The following RBFOX1 variants were observed in gnomAD, a reference collection of about 807,000 sequenced individuals.
RBFOX1 encodes the protein RNA binding fox-1 homolog 1, also known as RNA binding protein fox-1 homolog 1.
RBFOX1 carries 8 observed loss-of-function variants against 57.7 expected under a neutral mutation model. The ratio of observed to expected loss-of-function variants is 0.14; its 90% confidence interval spans 0.08 to 0.25. The LOEUF (loss-of-function observed/expected upper bound fraction) is 0.25. RBFOX1 is among the 10% of genes least tolerant of loss of function. The probability of loss-of-function intolerance (pLI) is 1.00; values close to 1 mark genes in which losing one functional copy is unlikely to be tolerated. For missense variants in RBFOX1, 611 were observed against 548.5 expected (o/e 1.11, Z -1.14); for synonymous variants, 326 against 222.4 (o/e 1.47, Z -4.15).
intron 3 of RBFOX1, among the ~76,000 whole-genome samples, chr16:6,703,238 ATTATTAT>A (rs539233703): frequency 6.6e-6 from 1 of 151,702 alleles, no homozygotes; most frequent in Non-Finnish European, 1.5e-5. Flanking sequence ...TTAATTACTT[ATTATTAT>A]TTATTATTAT....
chr16:6,352,233 T>G (rs1197000941), intron 2 of RBFOX1, among the ~76,000 whole-genome samples: 1 of 152,192 alleles, frequency 6.6e-6, no homozygotes, highest in African/African-American at 2.4e-5. Context: ...GAATGTTGTG[T>G]ATTAACTTGT....
intron 5 of RBFOX1, among the ~76,000 whole-genome samples, chr16:7,569,713 A>C (rs1197601364): frequency 6.6e-6 from 1 of 152,176 alleles, no homozygotes; most frequent in Non-Finnish European, 1.5e-5. Context: ...CCTGAAATAC[A>C]GCTAGTGAGG....
At chr16:5,272,168 A>G (rs758279175) in intron 1 of RBFOX1, among the ~76,000 whole-genome samples, 19 of 152,186 alleles carry the variant, frequency 1.2e-4, no homozygotes, top group Admixed American at 6.5e-5. Context: ...CAGCAGCGTG[A>G]CTATAGTCAA....
chr16:7,139,844 A>T (rs568362429), intron 4 of RBFOX1, among the ~76,000 whole-genome samples: 1 of 152,178 alleles, frequency 6.6e-6, no homozygotes, highest in South Asian at 2.1e-4. Context: ...GTCTTAAGGA[A>T]TGAGGAATTG....
At chr16:7,591,620 C>G (rs1002730844) in intron 7 of RBFOX1, among the ~76,000 whole-genome samples, 1 of 152,120 alleles carries the variant, frequency 6.6e-6, no homozygotes, top group Non-Finnish European at 1.5e-5. Flanking sequence ...CACAGGCCAC[C>G]AATCTCTTTT....
chr16:5,884,066 T>C (rs1176222357), intron 4 of RBFOX1, among the ~76,000 whole-genome samples: 1 of 152,212 alleles, frequency 6.6e-6, no homozygotes, highest in Non-Finnish European at 1.5e-5. Flanking sequence ...ATCTGAAAGA[T>C]GGGGATAATC....
At chr16:6,298,036 G>A (rs2152736609) in intron 1 of RBFOX1, among the ~76,000 whole-genome samples, 1 of 152,316 alleles carries the variant, frequency 6.6e-6, no homozygotes, top group South Asian at 2.1e-4. Context: ...CTGGTCCTCT[G>A]CATTTGCAAA....
At chr16:5,626,113 C>T (rs1051655030) in intron 3 of RBFOX1, among the ~76,000 whole-genome samples, 6 of 152,186 alleles carry the variant, frequency 3.9e-5, no homozygotes, top group African/African-American at 1.2e-4. Context: ...CTCCTGACCT[C>T]GGGTGATCTG....
At chr16:6,594,284 C>G (rs1484865605) in intron 2 of RBFOX1, among the ~76,000 whole-genome samples, 4 of 152,184 alleles carry the variant, frequency 2.6e-5, no homozygotes, top group Non-Finnish European at 5.9e-5. Flanking sequence ...ACAGAACCAT[C>G]TAGACAGCCA....
chr16:6,255,650 A>C (rs2152602050), intron 1 of RBFOX1, among the ~76,000 whole-genome samples: 1 of 152,206 alleles, frequency 6.6e-6, no homozygotes, highest in East Asian at 1.9e-4. Flanking sequence ...GTCAACCTGG[A>C]AGTATGACGG....
At position 6,685,487 on chromosome 16, in the gene RBFOX1, C is replaced by T. The variant is rs77578631; in HGVS notation, c.-16+30837C>T. Among the ~76,000 whole-genome samples the T allele has an allele frequency of 1.3e-3, 184 of 136,748 alleles. 3 individuals are homozygous for T. The East Asian group carries it at 0.022, about 16-fold the overall frequency. 89.7% of individuals were successfully genotyped at this position (136,748 alleles called of 152,430 possible). A position where few individuals can be genotyped will look rare whatever the true frequency, so the allele number is the denominator to read the frequency against. ...ATTTTTAGTAGAGACAGGATTTTGC[C>T]GTGTTCGCCAGGCTGCTGTCGAACT... On this transcript the variant is annotated intron_variant, in intron 3 of 15. Coordinates refer to ENST00000550418, the MANE Select transcript of RBFOX1 (RefSeq NM_018723.4).
chr16:6,992,895 G>C (rs1189173950), intron 3 of RBFOX1, among the ~76,000 whole-genome samples: 1 of 149,300 alleles, frequency 6.7e-6, no homozygotes, highest in African/African-American at 2.5e-5. Context: ...CACCGCCCAA[G>C]CACGGTGTCA....
intron 13 of RBFOX1, among the ~76,000 whole-genome samples, chr16:7,675,253 C>T (rs960304332): frequency 6.6e-6 from 1 of 152,148 alleles, no homozygotes; most frequent in Non-Finnish European, 1.5e-5. Flanking sequence ...CTGTTGAACT[C>T]AGTGCTGTTA....
intron 2 of RBFOX1, among the ~76,000 whole-genome samples, chr16:5,540,095 G>A (rs1392712237): frequency 6.6e-6 from 1 of 152,150 alleles, no homozygotes; most frequent in African/African-American, 2.4e-5. Context: ...TAAGAATGAA[G>A]ATATTAAATA....
At chr16:5,438,976 T>C (rs2068000198) in intron 1 of RBFOX1, among the ~76,000 whole-genome samples, 1 of 145,874 alleles carries the variant, frequency 6.9e-6, no homozygotes, top group African/African-American at 2.5e-5. Context: ...TTAGTAATCA[T>C]GTGACCACTT....
At chr16:6,629,062 C>G (rs1420728028) in intron 2 of RBFOX1, among the ~76,000 whole-genome samples, 1 of 152,092 alleles carries the variant, frequency 6.6e-6, no homozygotes, top group Non-Finnish European at 1.5e-5. Context: ...ACATACTAAA[C>G]CTATGATTCC....
At chr16:7,658,085 T>C (rs1158537165) in intron 12 of RBFOX1, among the ~76,000 whole-genome samples, 2 of 152,156 alleles carry the variant, frequency 1.3e-5, no homozygotes, top group African/African-American at 4.8e-5. Context: ...GGGAAATCCA[T>C]GTAAGGTGAC....
intron 2 of RBFOX1, among the ~76,000 whole-genome samples, chr16:6,376,526 C>T (rs575584026): frequency 6.6e-5 from 10 of 152,228 alleles, no homozygotes; most frequent in South Asian, 4.2e-4. Flanking sequence ...CTTGCAGCTG[C>T]GTTTTTGAAA....
chr16:5,718,100 C>T (rs889987873), intron 3 of RBFOX1, among the ~76,000 whole-genome samples: 2 of 152,216 alleles, frequency 1.3e-5, no homozygotes, highest in African/African-American at 2.4e-5. Context: ...ACGATGCACA[C>T]ATAGGGCAAG....
Sources: gnomAD v4.1 joint callset for allele counts (sites outside exome capture counted in the v4.1 genomes callset) on GRCh38, gnomAD v4.1.1 for gene constraint, MANE v1.5 for transcripts, NCBI Gene and HGNC (gene_info 2026-07-23, HGNC 2026-07-21) for gene names.